Variants in WDR49 observed in about 807,000 individuals in gnomAD.
WDR49 encodes WD repeat domain 49, also known as cilia- and flagella-associated protein 337.
WDR49 carries 107 observed loss-of-function variants against 119.5 expected under a neutral mutation model. The ratio of observed to expected loss-of-function variants is 0.90; its 90% CI spans 0.77 to 1.05. WDR49 has a LOEUF of 1.05. Among genes scored for constraint, WDR49 ranks in the 50% least tolerant of loss-of-function variants. The pLI is 0.00. For missense variants in WDR49, 1,240 were observed against 1,220.5 expected (o/e 1.02, Z -0.24); for synonymous variants, 425 against 418.8 (o/e 1.01, Z -0.18).
At chr3:167,609,412 A>T (rs1716232238) in intron 5 of WDR49, among the ~76,000 whole-genome samples, 1 of 152,112 alleles carries the variant, frequency 6.6e-6, no homozygotes, top group African/African-American at 2.4e-5. Context: ...CAGAGCAATT[A>T]TGTAGTATTG....
intron 16 of WDR49, among the ~76,000 whole-genome samples, chr3:167,507,709 A>G (rs1447484152): frequency 2.0e-5 from 3 of 152,202 alleles, no homozygotes; most frequent in African/African-American, 7.2e-5. Context: ...TAGCTTTTAT[A>G]TAAAGCAAAA....
At chr3:167,624,345 T>A (rs1577285420) in intron 3 of WDR49, among the ~76,000 whole-genome samples, 4 of 143,534 alleles carry the variant, frequency 2.8e-5, no homozygotes, top group Non-Finnish European at 3.1e-5. Context: ...TATGCCATGG[T>A]AAAAAAAAAA....
intron 8 of WDR49, among the ~76,000 whole-genome samples, chr3:167,571,138 A>G (rs1713915789): frequency 6.6e-6 from 1 of 152,182 alleles, no homozygotes; most frequent in Non-Finnish European, 1.5e-5. Context: ...TTTTTAATAA[A>G]TAATTTGGCA....
chr3:167,549,075 C>G (rs1712386730), intron 10 of WDR49, among the ~76,000 whole-genome samples: 6 of 152,140 alleles, frequency 3.9e-5, no homozygotes, highest in Admixed American at 3.9e-4. Context: ...GCCACATTTT[C>G]TTAATCCAGT....
intron 16 of WDR49, among the ~76,000 whole-genome samples, chr3:167,516,122 CTTTAAG>C (rs1297637857): frequency 6.6e-6 from 1 of 151,984 alleles, no homozygotes; most frequent in Admixed American, 6.6e-5. Flanking sequence ...TTTTATTATA[CTTTAAG>C]TTTTAGGGTA....
chr3:167,641,553 T>C (rs975876405), intron 2 of WDR49, among the ~76,000 whole-genome samples: 1 of 151,980 alleles, frequency 6.6e-6, no homozygotes, highest in Non-Finnish European at 1.5e-5. Flanking sequence ...AGAAATATCT[T>C]TATCTAGACC....
intron 17 of WDR49, among the ~76,000 whole-genome samples, chr3:167,502,623 T>C (rs1037505428): frequency 2.6e-5 from 4 of 152,194 alleles, no homozygotes; most frequent in Admixed American, 2.6e-4. Flanking sequence ...AGGTCACCCA[T>C]ATTATGCCTT....
At chr3:167,519,262 T>C (rs975687419) in intron 16 of WDR49, among the ~76,000 whole-genome samples, 1 of 152,138 alleles carries the variant, frequency 6.6e-6, no homozygotes, top group African/African-American at 2.4e-5. Flanking sequence ...TAAACTACCA[T>C]TTGACCCAGC....
chr3:167,642,922 C>T (rs1300762086), intron 2 of WDR49, among the ~76,000 whole-genome samples: 1 of 151,672 alleles, frequency 6.6e-6, no homozygotes, highest in Non-Finnish European at 1.5e-5. Context: ...ATAAACGAAG[C>T]CATAAATCTG....
At chr3:167,644,950 ATT>A (rs1225098566) in intron 2 of WDR49, among the ~76,000 whole-genome samples, 1 of 152,108 alleles carries the variant, frequency 6.6e-6, no homozygotes, top group African/African-American at 2.4e-5. Context: ...ATTAGAAGCT[ATT>A]TATGTAGCAT....
At chr3:167,503,159 GC>G (rs1307085325) in intron 17 of WDR49, among the ~76,000 whole-genome samples, 2 of 152,226 alleles carry the variant, frequency 1.3e-5, no homozygotes, top group African/African-American at 4.8e-5. Flanking sequence ...GTAAGCCATA[GC>G]TTTGGTGGCT....
At chr3:167,605,012 TTGTGTGTGTG>T (rs370361855) in intron 5 of WDR49, among the ~76,000 whole-genome samples, 7 of 143,464 alleles carry the variant, frequency 4.9e-5, no homozygotes, top group African/African-American at 7.6e-5. Flanking sequence ...TTAATTTGCT[TTGTGTGTGTG>T]TGTGTGTGTG....
At chr3:167,610,932 G>T (rs1291972679) in intron 5 of WDR49, among the ~76,000 whole-genome samples, 1 of 152,200 alleles carries the variant, frequency 6.6e-6, no homozygotes, top group Non-Finnish European at 1.5e-5. Flanking sequence ...TCTGGTCTGA[G>T]ATCTGAAATG....
At chr3:167,523,706 T>G (rs577538013) in intron 15 of WDR49, among the ~76,000 whole-genome samples, 1 of 152,244 alleles carries the variant, frequency 6.6e-6, no homozygotes, top group South Asian at 2.1e-4. Context: ...TTCATCCATG[T>G]CCTTGCAAAG....
At chr3:167,612,950 A>T (rs1407070629) in intron 5 of WDR49, among the ~76,000 whole-genome samples, 4 of 152,222 alleles carry the variant, frequency 2.6e-5, no homozygotes, top group Admixed American at 2.0e-4. Context: ...TTACAAAAAA[A>T]TTTACTTAAA....
At chr3:167,563,840 G>A (rs1713425617) in intron 8 of WDR49, among the ~76,000 whole-genome samples, 1 of 152,150 alleles carries the variant, frequency 6.6e-6, no homozygotes, top group Non-Finnish European at 1.5e-5. Flanking sequence ...TAGAACACTA[G>A]AACTTATTCT....
chr3:167,515,742 T>C (rs997115433), intron 16 of WDR49, among the ~76,000 whole-genome samples: 14 of 152,178 alleles, frequency 9.2e-5, no homozygotes, highest in African/African-American at 3.1e-4. Context: ...GAAAACCATA[T>C]TGACTCAGCC....
chr3:167,623,866 A>T (rs976263451), intron 3 of WDR49, among the ~76,000 whole-genome samples: 1 of 152,034 alleles, frequency 6.6e-6, no homozygotes, highest in Non-Finnish European at 1.5e-5. Context: ...AAGATGCAGA[A>T]TATATTATCG....
intron 2 of WDR49, among the ~76,000 whole-genome samples, chr3:167,640,168 G>T (rs555950858): frequency 6.6e-6 from 1 of 151,742 alleles, no homozygotes; most frequent in African/African-American, 2.4e-5. Context: ...TTTTGCACCC[G>T]CATATATAAT....
Sources: allele counts gnomAD v4.1 joint callset (sites outside exome capture counted in the v4.1 genomes callset), GRCh38; gene constraint gnomAD v4.1.1; transcripts MANE v1.5; gene names NCBI Gene and HGNC (gene_info 2026-07-23, HGNC 2026-07-21).